LIN54: variants seen among roughly 807,000 people sequenced by gnomAD.
LIN54 encodes lin-54 DREAM MuvB core complex component.
LIN54 carries 9 observed loss-of-function variants against 78.7 expected under a neutral mutation model. The ratio of observed to expected loss-of-function variants is 0.11; its 90% CI spans 0.07 to 0.20. The LOEUF is 0.20. Ranked by LOEUF, LIN54 falls within the 10% of genes least tolerant of loss-of-function variation. The pLI is 1.00. For synonymous variants in LIN54, 269 were observed against 318.4 expected (o/e 0.84, Z 1.65); for missense variants, 573 against 889.9 (o/e 0.64, Z 4.53).
intron 4 of LIN54, among the ~76,000 whole-genome samples, chr4:82,956,424 C>T (rs1724338617): frequency 6.6e-6 from 1 of 151,614 alleles, no homozygotes; most frequent in African/African-American, 2.4e-5. Context: ...GTCTGTAATC[C>T]CAGCACTCTG....
intron 1 of LIN54, among the ~76,000 whole-genome samples, chr4:83,005,376 GC>G (rs990229516): frequency 1.4e-4 from 21 of 152,112 alleles, no homozygotes; most frequent in African/African-American, 4.6e-4. Flanking sequence ...GGTGGCTCAC[GC>G]CTGTAATCCC....
At chr4:82,981,603 T>A (rs1000610469) in intron 2 of LIN54, among the ~76,000 whole-genome samples, 1 of 152,158 alleles carries the variant, frequency 6.6e-6, no homozygotes, top group Admixed American at 6.5e-5. Context: ...AGCTTTGAGG[T>A]TACTTCTGAG....
intron 7 of LIN54, among the ~76,000 whole-genome samples, 174 bp from the exon 8 acceptor site, chr4:82,938,678 T>C (rs1226444030): frequency 1.3e-5 from 2 of 152,150 alleles, no homozygotes; most frequent in East Asian, 1.9e-4. Flanking sequence ...ACCAATACTA[T>C]AGGTGAAAAT....
chr4:82,990,197 C>A (rs779339091), intron 1 of LIN54, among the ~76,000 whole-genome samples: 1 of 152,198 alleles, frequency 6.6e-6, no homozygotes, highest in Non-Finnish European at 1.5e-5. Flanking sequence ...ATCCTCATGG[C>A]CAAAACTATC....
At chr4:82,966,357 C>T (rs191948123) in intron 4 of LIN54, among the ~76,000 whole-genome samples, 1 of 151,666 alleles carries the variant, frequency 6.6e-6, no homozygotes, top group African/African-American at 2.4e-5. Flanking sequence ...AGTGAGGCCC[C>T]AAAGCTAAAC....
chr4:82,974,618 T>C (rs1165588790), intron 3 of LIN54, among the ~76,000 whole-genome samples: 2 of 151,958 alleles, frequency 1.3e-5, no homozygotes, highest in African/African-American at 4.8e-5. Flanking sequence ...ACACCTGTAA[T>C]CCCAGCTACT....
At chr4:82,993,802 G>A (rs900261411) in intron 1 of LIN54, among the ~76,000 whole-genome samples, 1 of 151,994 alleles carries the variant, frequency 6.6e-6, no homozygotes, top group Non-Finnish European at 1.5e-5. Flanking sequence ...TTTTAGCAGA[G>A]ATGGGGTTGC....
intron 1 of LIN54, among the ~76,000 whole-genome samples, chr4:82,990,111 A>G (rs185997574): frequency 2.7e-4 from 41 of 152,132 alleles, no homozygotes; most frequent in Non-Finnish European, 5.4e-4. Context: ...TGCCAGAGAG[A>G]ATTTTCATAT....
At chr4:82,963,383 T>C (rs1724958623) in intron 4 of LIN54, among the ~76,000 whole-genome samples, 1 of 152,198 alleles carries the variant, frequency 6.6e-6, no homozygotes. Context: ...AGCCTGAGAT[T>C]TGGACCTACC....
intron 3 of LIN54, among the ~76,000 whole-genome samples, chr4:82,974,467 T>G (rs557710130): frequency 1.3e-5 from 2 of 151,642 alleles, no homozygotes; most frequent in Non-Finnish European, 1.5e-5. Context: ...CTGGGCGTGG[T>G]GGCTCACACC....
intron 2 of LIN54, 49 bp downstream of exon 2, chr4:82,984,112 A>AT: frequency 1.5e-6 from 2 of 1,355,846 alleles, no homozygotes; most frequent in Non-Finnish European, 2.0e-6. Flanking sequence ...AATCAGTTAA[A>AT]TTTTTTTAAA....
rs542222276 is a variant in LIN54 at position 82,935,612 on chromosome 4, G to GAACA, written c.1845+365_1845+368dup. 2.3e-3 allele frequency among the ~76,000 whole-genome samples: 347 copies of GAACA among 152,200 alleles called. 3 individuals are homozygous for GAACA. Among genetic ancestry groups the GAACA allele is most frequent in the African/African-American group, 7.9e-3 (330 of 41,522 alleles). On this transcript the variant is annotated intron_variant, in intron 11 of 12. Transcript: ENST00000340417. ...CATATATTTCTAAGAAGCCTGTGAAGAACAGTAAGTAGAACTGCACCTCAG... is the reference window on the plus strand; with the variant it reads ...CATATATTTCTAAGAAGCCTGTGAAGAACAAACAGTAAGTAGAACTGCACCTCAG...
At chr4:82,981,932 G>A (rs1388552794) in intron 2 of LIN54, among the ~76,000 whole-genome samples, 1 of 152,158 alleles carries the variant, frequency 6.6e-6, no homozygotes, top group Non-Finnish European at 1.5e-5. Flanking sequence ...TACTTGGGAG[G>A]CTGACGTGGG....
chr4:82,982,208 T>C (rs1726732309), intron 2 of LIN54, among the ~76,000 whole-genome samples: 2 of 152,118 alleles, frequency 1.3e-5, no homozygotes, highest in South Asian at 4.1e-4. Context: ...ACATTCTAAT[T>C]TATGATATCT....
chr4:82,947,235 A>AT (rs34511957), intron 4 of LIN54, among the ~76,000 whole-genome samples: 2 of 44,288 alleles, frequency 4.5e-5, no homozygotes, highest in African/African-American at 2.0e-4. Context: ...ATATATATAT[A>AT]TTTTTTTTTT....
chr4:82,946,146 C>T, intron 5 of LIN54, 112 bp downstream of exon 5: 1 of 884,736 alleles, frequency 1.1e-6, no homozygotes, highest in South Asian at 1.5e-5. Flanking sequence ...CAGTTACTGG[C>T]TCAAACTCAG....
chr4:82,968,803 C>A (rs1725424098), intron 4 of LIN54, among the ~76,000 whole-genome samples: 1 of 152,092 alleles, frequency 6.6e-6, no homozygotes. Flanking sequence ...CATAATGCCA[C>A]AAGATTCGTA....
intron 4 of LIN54, among the ~76,000 whole-genome samples, chr4:82,947,233 A>ATTTTTT (rs1233101387): frequency 0.074 from 1,229 of 16,690 alleles, 11 homozygotes; most frequent in South Asian, 0.11. Context: ...ATATATATAT[A>ATTTTTT]TATTTTTTTT....
At chr4:82,970,579 C>T in intron 3 of LIN54, 110 bp from the exon 4 acceptor site, 1 of 982,908 alleles carries the variant, frequency 1.0e-6, no homozygotes, top group African/African-American at 1.6e-5. Context: ...TTTGTTATTT[C>T]ATGTCAACAC....
Sources: allele counts gnomAD v4.1 joint callset (sites outside exome capture counted in the v4.1 genomes callset), GRCh38; gene constraint gnomAD v4.1.1; transcripts MANE v1.5; gene names NCBI Gene and HGNC (gene_info 2026-07-23, HGNC 2026-07-21).